The following UNC13C variants were observed in gnomAD, a reference collection of about 807,000 sequenced individuals.
The protein encoded by UNC13C is protein unc-13 homolog C.
In UNC13C, 174 loss-of-function variants were observed where a neutral mutation model predicts 245.4. The observed-to-expected ratio is 0.71, with a 90% CI of 0.63 to 0.80. UNC13C has a LOEUF of 0.80. UNC13C is among the 30% of genes least tolerant of loss of function. The pLI, the probability that UNC13C is intolerant of heterozygous loss-of-function variation, is 0.00. For missense variants in UNC13C, 2,829 were observed against 2,602.9 expected, an observed-to-expected ratio of 1.09 and a Z score of -1.89; for synonymous variants, 992 against 895.1, an observed-to-expected ratio of 1.11 and a Z score of -1.93.
chr15:53,992,266 C>T (rs1046080495), intron 1 of UNC13C, among the ~76,000 whole-genome samples: 27 of 151,992 alleles, frequency 1.8e-4, no homozygotes, highest in African/African-American at 6.5e-4. Flanking sequence ...TTCCCAATTC[C>T]TACTTGTGCA....
intron 4 of UNC13C, among the ~76,000 whole-genome samples, chr15:54,193,771 A>G (rs2034264738): frequency 6.6e-6 from 1 of 152,216 alleles, no homozygotes; most frequent in Non-Finnish European, 1.5e-5. Context: ...CTCCCTACAA[A>G]GATTTCCCTG....
chr15:54,541,641 C>T (rs1373239056), intron 26 of UNC13C, among the ~76,000 whole-genome samples: 1 of 151,996 alleles, frequency 6.6e-6, no homozygotes, highest in African/African-American at 2.4e-5. Flanking sequence ...GCTTCACTTC[C>T]GTGGACAAGT....
intron 4 of UNC13C, among the ~76,000 whole-genome samples, chr15:54,193,479 T>G (rs895341703): frequency 9.2e-5 from 14 of 152,138 alleles, no homozygotes; most frequent in African/African-American, 3.4e-4. Flanking sequence ...ACTTCCTTAT[T>G]CTCTTTTTCT....
chr15:54,627,406 A>C lies in UNC13C; in HGVS notation c.*293A>C. 4.5e-6 allele frequency: 1 copy of C among 222,574 alleles called. No homozygotes were observed. The highest frequency in any genetic ancestry group is 8.9e-6 in the Non-Finnish European group (1 of 112,410). 13.8% of individuals were successfully genotyped at this position (222,574 alleles called of 1,614,324 possible). ...CATTCATTAAACATAATTTTTAAAA[A>C]CTAGTCTTTTGAGTTTGCCCATCAG... On this transcript the variant is annotated 3_prime_UTR_variant, in exon 33 of 33. Coordinates refer to ENST00000260323, the MANE Select transcript of UNC13C (RefSeq NM_001080534.3).
intron 26 of UNC13C, among the ~76,000 whole-genome samples, chr15:54,535,545 C>G (rs551738679): frequency 2.0e-5 from 3 of 152,226 alleles, no homozygotes; most frequent in Admixed American, 2.0e-4. Context: ...ACAGAATATA[C>G]ATTCTCCTCA....
chr15:54,298,580 A>AGTAG (rs1407059360), intron 12 of UNC13C, among the ~76,000 whole-genome samples: 1 of 152,128 alleles, frequency 6.6e-6, no homozygotes, highest in African/African-American at 2.4e-5. Context: ...TCACCCAAAA[A>AGTAG]GTAGGGCCTA....
intron 2 of UNC13C, among the ~76,000 whole-genome samples, chr15:54,134,817 A>G (rs1200650318): frequency 6.6e-6 from 1 of 152,134 alleles, no homozygotes; most frequent in East Asian, 1.9e-4. Context: ...ATCTCATTTT[A>G]TTTAAATTTA....
At chr15:54,575,918 G>T (rs1596599358) in intron 30 of UNC13C, among the ~76,000 whole-genome samples, 1 of 152,256 alleles carries the variant, frequency 6.6e-6, no homozygotes, top group African/African-American at 2.4e-5. Context: ...CAGTCTTTCT[G>T]ATGACATTCA....
chr15:54,433,935 A>G (rs2040925768), intron 19 of UNC13C, among the ~76,000 whole-genome samples: 1 of 152,138 alleles, frequency 6.6e-6, no homozygotes, highest in African/African-American at 2.4e-5. Flanking sequence ...CTATATACCA[A>G]TAATAGACAA....
intron 10 of UNC13C, among the ~76,000 whole-genome samples, chr15:54,268,719 T>C (rs2036609555): frequency 2.0e-5 from 3 of 151,896 alleles, no homozygotes; most frequent in South Asian, 4.1e-4. Flanking sequence ...CTCTTCCTAC[T>C]AACTCATGAA....
At chr15:54,297,970 C>A in intron 12 of UNC13C, 44 bp downstream of exon 12, 1 of 1,254,004 alleles carries the variant, frequency 8.0e-7, no homozygotes, top group Non-Finnish European at 1.1e-6. Flanking sequence ...AAGAAATGTT[C>A]TTGATTATGG....
intron 30 of UNC13C, among the ~76,000 whole-genome samples, chr15:54,597,878 T>C (rs1385519502): frequency 1.3e-5 from 2 of 152,190 alleles, no homozygotes; most frequent in African/African-American, 4.8e-5. Flanking sequence ...TGGAGCACAG[T>C]AATGACTTTT....
chr15:54,348,206 T>C (rs2038902925), intron 17 of UNC13C, among the ~76,000 whole-genome samples: 1 of 152,152 alleles, frequency 6.6e-6, no homozygotes, highest in South Asian at 2.1e-4. Flanking sequence ...ATGAATATCT[T>C]TGTAGTAGGT....
the UNC13C span, among the ~76,000 whole-genome samples, chr15:53,886,574 A>T: frequency 6.6e-6 from 1 of 152,190 alleles, no homozygotes; most frequent in Non-Finnish European, 1.5e-5. Flanking sequence ...AACAACAAGT[A>T]ATCTATGAAG....
intron 30 of UNC13C, among the ~76,000 whole-genome samples, chr15:54,594,860 G>A (rs1006167286): frequency 1.3e-5 from 2 of 152,218 alleles, no homozygotes; most frequent in African/African-American, 4.8e-5. Flanking sequence ...AGACAAAGGA[G>A]TTAGAGACAG....
At chr15:54,236,025 A>AG (rs1419951841) in intron 5 of UNC13C, among the ~76,000 whole-genome samples, 3 of 151,902 alleles carry the variant, frequency 2.0e-5, no homozygotes, top group Non-Finnish European at 2.9e-5. Flanking sequence ...TTGTAAAAAA[A>AG]AAAAAATCAT....
At chr15:54,395,815 C>G (rs919396924) in intron 18 of UNC13C, among the ~76,000 whole-genome samples, 30 of 151,604 alleles carry the variant, frequency 2.0e-4, no homozygotes, top group African/African-American at 7.3e-4. Context: ...ATTTTGTTGA[C>G]TAATGTATAT....
intron 4 of UNC13C, among the ~76,000 whole-genome samples, chr15:54,195,512 G>A (rs967079648): frequency 1.3e-5 from 2 of 152,140 alleles, no homozygotes; most frequent in Non-Finnish European, 2.9e-5. Context: ...TGGTAGAGTA[G>A]CAGGACAGAA....
intron 2 of UNC13C, among the ~76,000 whole-genome samples, chr15:54,041,086 T>C (rs1896789236): frequency 6.6e-6 from 1 of 152,220 alleles, no homozygotes; most frequent in Admixed American, 6.5e-5. Context: ...CAGCAGACTT[T>C]GTCTGTTTTG....
Sources: allele counts gnomAD v4.1 joint callset (sites outside exome capture counted in the v4.1 genomes callset), GRCh38; gene constraint gnomAD v4.1.1; transcripts MANE v1.5; gene names NCBI Gene and HGNC (gene_info 2026-07-23, HGNC 2026-07-21).